Variants in FBXW2 observed in about 807,000 individuals in gnomAD.
FBXW2 encodes the protein F-box and WD repeat domain containing 2.
A neutral mutation model predicts 46.0 loss-of-function variants in FBXW2; 12 were observed. The observed-to-expected ratio is 0.26, with a 90% CI of 0.17 to 0.42. The LOEUF (loss-of-function observed/expected upper bound fraction) is 0.42, where lower values mean the gene tolerates loss of function less well. Among genes scored for constraint, FBXW2 ranks in the 10% least tolerant of loss-of-function variants. The pLI is 1.00. For synonymous variants in FBXW2, 203 were observed against 209.6 expected (o/e 0.97, Z 0.27); for missense variants, 360 against 537.0 (o/e 0.67, Z 3.26).
Position 120,788,212 on chromosome 9 carries a change from G to A in FBXW2, c.47C>T (p.Thr16Ile). ...FETWLDNISV[T>I]FLSLTDLQKN... ...CTGCAAGTCCGTCAGAGAAAGAAAT[G>A]TAACAGAAATGTTATCAAGCCATGT... Residue 16 changes from threonine to isoleucine, a missense_variant, in exon 3 of 8, where the codon ACA becomes ATA. Transcript: ENST00000608872. 6.2e-7 allele frequency: 1 copy of A among 1,614,100 alleles called. No individual in the cohort carries two copies. Among genetic ancestry groups the A allele is most frequent in the Non-Finnish European group, 8.5e-7 (1 of 1,180,008 alleles).
chr9:120,769,057 T>C (rs2044325773), intron 7 of FBXW2, among the ~76,000 whole-genome samples: 1 of 152,214 alleles, frequency 6.6e-6, no homozygotes, highest in Non-Finnish European at 1.5e-5. Flanking sequence ...GAACCAGACA[T>C]CCCTGCTGTG....
chr9:120,769,699 C>A (rs2044336004), intron 7 of FBXW2, among the ~76,000 whole-genome samples: 1 of 152,186 alleles, frequency 6.6e-6, no homozygotes, highest in South Asian at 2.1e-4. Context: ...TTTTTGGTGT[C>A]CCTGGCTTTC....
rs375254807 is a variant in FBXW2, at chr9:120,776,208, T to C, written c.704A>G (p.Asn235Ser). The C allele has an allele frequency of 3.7e-5, 59 of 1,614,010 alleles. No homozygotes were observed. The highest frequency in any genetic ancestry group is 3.3e-4 in the Middle Eastern group (2 of 6,082). Residue 235 changes from asparagine to serine, a missense_variant, in exon 5 of 8, where the codon AAT becomes AGT. Asn to Ser is a conservative substitution (Grantham distance 46). Coordinates refer to ENST00000608872, the MANE Select transcript of FBXW2 (RefSeq NM_012164.4). ...GCTCACCAAGATATCCAGTTCATCA[T>C]TGTAGTCCACGCTAAATACTAGTGC... ...HTGAVFSVDY[N>S]DELDILVSGS... is the part of the protein sequence containing the mutation.
At chr9:120,790,490 G>GA (rs938317108) in intron 2 of FBXW2, among the ~76,000 whole-genome samples, 2 of 150,622 alleles carry the variant, frequency 1.3e-5, no homozygotes, top group African/African-American at 2.4e-5. Flanking sequence ...TCTCAAAAAA[G>GA]AAAAAAAAGA....
chr9:120,788,161 A>G lies in FBXW2; in HGVS notation c.98T>C (p.Ile33Thr). 6.2e-7 allele frequency: 1 copy of G among 1,614,220 alleles called. No individual in the cohort carries two copies. The highest frequency in any genetic ancestry group is 8.5e-7 in the Non-Finnish European group (1 of 1,180,034). Residue 33 changes from isoleucine (I) to threonine (T), a missense_variant, in exon 3 of 8, where the codon ATT (isoleucine) becomes ACT (threonine). Ile to Thr is a moderately conservative substitution (Grantham distance 89). Transcript: ENST00000608872. ...GAGCTGGACTGCCCCACTCAGACTA[A>G]TCAGGTGATCCAGAGTTTCATTTTT... ...LQKNETLDHL[I>T]SLSGAVQLRH...
At chr9:120,765,267 G>A (rs1215160728) in intron 7 of FBXW2, among the ~76,000 whole-genome samples, 2 of 152,062 alleles carry the variant, frequency 1.3e-5, no homozygotes, top group East Asian at 3.9e-4. Flanking sequence ...GCTAATTTTT[G>A]TATTTTTAGT....
At chr9:120,767,376 CAT>C (rs1564449961) in intron 7 of FBXW2, among the ~76,000 whole-genome samples, 1 of 152,176 alleles carries the variant, frequency 6.6e-6, no homozygotes, top group Admixed American at 6.5e-5. Flanking sequence ...GATTAGATGA[CAT>C]GTTTGAGAAC....
At position 120,764,340 on chromosome 9, in the gene FBXW2, A is replaced by G. The variant is rs1394762570; in HGVS notation, c.*219T>C. On this transcript the variant is annotated 3_prime_UTR_variant, in exon 8 of 8. Coordinates refer to ENST00000608872, the MANE Select transcript of FBXW2 (RefSeq NM_012164.4). ...ACATAACTAAGTACAAATGAAGTCA[A>G]TGGTGTACCCCATTAGCATGCTGCG... 2 of 543,372 alleles carry G rather than the reference A, an allele frequency of 3.7e-6. No homozygotes were observed. Among genetic ancestry groups the G allele is most frequent in the African/African-American group, 1.9e-5 (1 of 53,464 alleles). 33.7% of individuals were successfully genotyped at this position (543,372 alleles called of 1,614,324 possible).
intron 3 of FBXW2, among the ~76,000 whole-genome samples, chr9:120,781,231 T>C (rs1028206648): frequency 4.6e-5 from 7 of 152,190 alleles, no homozygotes; most frequent in Non-Finnish European, 1.0e-4. Flanking sequence ...GTCCACAGTT[T>C]GCCAATCCCT....
At chr9:120,765,049 C>T (rs554611400) in intron 7 of FBXW2, among the ~76,000 whole-genome samples, 94 of 150,886 alleles carry the variant, frequency 6.2e-4, no homozygotes, top group African/African-American at 2.3e-3. Context: ...TGCGTTCAGT[C>T]ATTATATAAT....
At chr9:120,775,703 T>C (rs2044478040) in intron 5 of FBXW2, among the ~76,000 whole-genome samples, 1 of 152,212 alleles carries the variant, frequency 6.6e-6, no homozygotes, top group African/African-American at 2.4e-5. Context: ...AAAATTGCTT[T>C]TCTGATTAAG....
chr9:120,787,516 T>C (rs922266079), intron 3 of FBXW2, among the ~76,000 whole-genome samples: 3 of 152,174 alleles, frequency 2.0e-5, no homozygotes, highest in East Asian at 1.9e-4. Flanking sequence ...AAGTAATCTA[T>C]AGCTTTGTAA....
At chr9:120,791,089 TA>T (rs144350084) in intron 2 of FBXW2, among the ~76,000 whole-genome samples, 4 of 152,224 alleles carry the variant, frequency 2.6e-5, no homozygotes, top group Non-Finnish European at 5.9e-5. Flanking sequence ...ATGCACTATT[TA>T]AAAAACACCA....
At chr9:120,784,722 C>A (rs186072014) in intron 3 of FBXW2, among the ~76,000 whole-genome samples, 2 of 151,866 alleles carry the variant, frequency 1.3e-5, no homozygotes, top group African/African-American at 2.4e-5. Flanking sequence ...GAGTTTGAGA[C>A]CAGCCTGACC....
chr9:120,770,040 G>A (rs1195324350), intron 7 of FBXW2, among the ~76,000 whole-genome samples: 1 of 152,000 alleles, frequency 6.6e-6, no homozygotes, highest in African/African-American at 2.4e-5. Context: ...TGTGGTTATT[G>A]TGATCAGATC....
At chr9:120,775,936 C>T (rs1054131701) in intron 5 of FBXW2, among the ~76,000 whole-genome samples, 157 bp downstream of exon 5, 1 of 152,032 alleles carries the variant, frequency 6.6e-6, no homozygotes, top group Non-Finnish European at 1.5e-5. Flanking sequence ...TATTAAGTAC[C>T]TTCTACTTGC....
rs1270571253 is a variant in FBXW2 at position 120,759,032 on chromosome 9, TTCTAGAAGATGCAGAAA to T, written c.*5510_*5526del. 4 of 152,212 alleles carry T rather than the reference TTCTAGAAGATGCAGAAA, an allele frequency of 2.6e-5. No individual in the cohort carries two copies. The highest frequency in any genetic ancestry group is 9.6e-5 in the African/African-American group (4 of 41,464). The allele number at this position is 152,212 out of a possible 1,614,324, so 9.4% of individuals were successfully genotyped here. A position where few individuals can be genotyped will look rare whatever the true frequency, so the allele number is the denominator to read the frequency against. On this transcript the variant is annotated 3_prime_UTR_variant, in exon 8 of 8. Coordinates refer to ENST00000608872, the MANE Select transcript of FBXW2 (RefSeq NM_012164.4). Reference sequence around the variant, plus strand: ...AAATGGTTATATTGTTGAGTTTACCTTCTAGAAGATGCAGAAACAGTAAAAAAACAGAGCCACCTCAG... The same window carrying T: ...AAATGGTTATATTGTTGAGTTTACCTCAGTAAAAAAACAGAGCCACCTCAG...
At chr9:120,786,018 CAAAAAAA>C (rs3047150) in intron 3 of FBXW2, among the ~76,000 whole-genome samples, 2 of 40,548 alleles carry the variant, frequency 4.9e-5, no homozygotes, top group Non-Finnish European at 9.2e-5. Flanking sequence ...GACTCCATCT[CAAAAAAA>C]AAAAAAAAAA....
intron 2 of FBXW2, 35 bp from the exon 3 acceptor site, chr9:120,788,313 C>A (rs2131375758): frequency 6.4e-7 from 1 of 1,569,958 alleles, no homozygotes; most frequent in South Asian, 1.2e-5. Context: ...TAGTTCTGCT[C>A]AAAAAGACTG....
Sources: gnomAD v4.1 joint callset for allele counts (sites outside exome capture counted in the v4.1 genomes callset) on GRCh38, gnomAD v4.1.1 for gene constraint, MANE v1.5 for transcripts, NCBI Gene and HGNC (gene_info 2026-07-23, HGNC 2026-07-21) for gene names.